Variants in WDR83 observed in about 807,000 individuals in gnomAD.
The protein encoded by WDR83 is WD repeat domain-containing protein 83.
A neutral mutation model predicts 37.7 loss-of-function variants in WDR83; 37 were observed. The observed-to-expected ratio is 0.98, with a 90% CI of 0.76 to 1.29. The LOEUF (loss-of-function observed/expected upper bound fraction) is 1.29, where lower values mean the gene tolerates loss of function less well. WDR83 is among the 50% of genes most tolerant of loss of function. The pLI is 0.00. For synonymous variants in WDR83, 174 were observed against 181.1 expected (o/e 0.96, Z 0.31); for missense variants, 445 against 414.4 (o/e 1.07, Z -0.64).
At chr19:12,670,387 C>T in intron 5 of WDR83, 102 bp downstream of exon 5, 4 of 1,509,764 alleles carry the variant, frequency 2.6e-6, no homozygotes, top group Non-Finnish European at 2.7e-6. Context: ...ATCCCTTCCC[C>T]AGATGACGAT....
chr19:12,671,537 A>C (rs1031845311), intron 7 of WDR83, among the ~76,000 whole-genome samples: 22 of 151,586 alleles, frequency 1.5e-4, no homozygotes, highest in African/African-American at 4.1e-4. Flanking sequence ...CTGTAGTCCC[A>C]GCTACTCAGG....
intron 10 of WDR83, among the ~76,000 whole-genome samples, chr19:12,674,107 G>A (rs1046428534): frequency 4.6e-5 from 7 of 152,348 alleles, no homozygotes; most frequent in Admixed American, 4.6e-4. Context: ...AGGCTTCAGG[G>A]TGGCGGCAGG....
In WDR83 at chr19:12,670,166, C is replaced by T. The variant is rs769260657; in HGVS notation, c.225-14C>T. On this transcript the variant is annotated splice_polypyrimidine_tract_variant and intron_variant, in intron 4 of 10. Coordinates refer to ENST00000418543, the MANE Select transcript of WDR83 (RefSeq NM_001099737.3). ...TCCGAGGTCGATGCTGATCCTCCTCCTCCTTTACTCCAGCTCCTTTGACAA... is the reference window on the plus strand; with the variant it reads ...TCCGAGGTCGATGCTGATCCTCCTCTTCCTTTACTCCAGCTCCTTTGACAA... 6.1e-5 allele frequency: 99 copies of T among 1,612,130 alleles called. No homozygotes were observed. The South Asian group carries it at 9.6e-4, about 16-fold the overall frequency.
At chr19:12,667,818 TTC>T (rs757645038) in intron 1 of WDR83, among the ~76,000 whole-genome samples, 6 of 151,896 alleles carry the variant, frequency 4.0e-5, no homozygotes, top group Non-Finnish European at 7.4e-5. Context: ...CAAGACCATT[TTC>T]TTTCTTAAAA....
Position 12,672,834 on chromosome 19 carries a change from C to G in WDR83, c.507-13C>G. 6.4e-7 allele frequency: 1 copy of G among 1,572,346 alleles called. No individual in the cohort carries two copies. On this transcript the variant is annotated splice_polypyrimidine_tract_variant and intron_variant, in intron 7 of 10. Coordinates refer to ENST00000418543, the MANE Select transcript of WDR83 (RefSeq NM_001099737.3). ...GTAGTCAAGGTTCCCGCTGGATCTA[C>G]CCTCTCCTGCAGCTCCGTGGATGGC...
rs560013171 is a variant in WDR83 at position 12,669,813 on chromosome 19, C to T, written c.23C>T (p.Pro8Leu). Reference protein sequence around the residue: MAFPEPKPRPPELPQKRL... With the variant: MAFPEPKLRPPELPQKRL... ...AGCATGGCTTTCCCTGAGCCAAAGCCGCGGCCTCCAGAGCTGCCGCAGAAA... is the reference window on the plus strand; with the variant it reads ...AGCATGGCTTTCCCTGAGCCAAAGCTGCGGCCTCCAGAGCTGCCGCAGAAA... The change falls in exon 3 of 11, where the codon CCG becomes CTG. Residue 8 changes from proline to leucine, a missense_variant. Physicochemically the swap from Pro to Leu is moderately conservative, Grantham distance 98. Transcript: ENST00000418543. 4.3e-6 allele frequency: 7 copies of T among 1,609,986 alleles called. No homozygotes were observed. In the South Asian group the frequency reaches 5.5e-5, roughly 13 times the overall value.
chr19:12,675,387 T>C (rs1356588120), intron 10 of WDR83, 136 bp from the exon 11 acceptor site: 2 of 1,256,418 alleles, frequency 1.6e-6, no homozygotes, highest in Admixed American at 5.1e-5. Context: ...AGGAGGCAAT[T>C]AGAGGCAGGT....
rs923090705 is a variant in WDR83, at chr19:12,669,868, G to A, written c.78G>A (p.Gly26=). The A allele has an allele frequency of 4.3e-6, 7 of 1,611,702 alleles. No individual in the cohort carries two copies. In the East Asian group the frequency reaches 8.9e-5, roughly 21 times the overall value. The part of the protein sequence containing the change: ...KRLKTLDCGQ[G]AVRAVRFNVD... ...TGAAGACGCTGGACTGCGGGCAGGG[G>A]GCAGTGCGAGCCGTACGATTTAATG... Residue 26 remains glycine, a synonymous_variant, in exon 3 of 11, where the codon GGG becomes GGA. Coordinates refer to ENST00000418543, the MANE Select transcript of WDR83 (RefSeq NM_001099737.3).
chr19:12,670,654 C>A, intron 6 of WDR83, 41 bp from the exon 7 acceptor site: 1 of 1,614,220 alleles, frequency 6.2e-7, no homozygotes, highest in Non-Finnish European at 8.5e-7. Flanking sequence ...GTGCTGCCCT[C>A]CCCCTCCAAA....
In WDR83 at chr19:12,668,589, T is replaced by C. The variant is rs1555710876; in HGVS notation, c.-75T>C. On this transcript the variant is annotated 5_prime_UTR_variant, in exon 2 of 11. It removes the in-frame stop codon of an upstream open reading frame in the 5' UTR. Transcript: ENST00000418543. ...GTTGGCAAAGCTGATGAAGGAGCAG[T>C]AGACAGCGACCCAAGCACACCACTT... The C allele has an allele frequency of 6.2e-7, 1 of 1,614,042 alleles. No homozygotes were observed. The highest frequency in any genetic ancestry group is 8.5e-7 in the Non-Finnish European group (1 of 1,179,976).
intron 7 of WDR83, chr19:12,671,444 AG>A (rs1207628639): frequency 6.5e-6 from 1 of 152,904 alleles, no homozygotes; most frequent in Non-Finnish European, 1.5e-5. Context: ...TGAGGTCAGG[AG>A]ATCGAGATCA....
At position 12,670,339 on chromosome 19, in the gene WDR83, A is replaced by T. The variant is rs918572484; in HGVS notation, c.330+54A>T. 70 of 1,583,252 alleles carry T rather than the reference A, an allele frequency of 4.4e-5. No individual in the cohort carries two copies. In the Middle Eastern group the frequency reaches 1.2e-3, roughly 27 times the overall value. ...GAGTGGAGGGGACCCGTATTAGCGC[A>T]TAGGTGGTGACACGGCCACCCCCAT... On this transcript the variant is annotated intron_variant, in intron 5 of 10. Transcript: ENST00000418543.
chr19:12,668,365 T>A, intron 1 of WDR83, 143 bp from the exon 2 acceptor site: 1 of 1,612,470 alleles, frequency 6.2e-7, no homozygotes, highest in Non-Finnish European at 8.5e-7. Flanking sequence ...GGTATCACCA[T>A]GGGGGCGTCA....
At chr19:12,674,762 T>C (rs1047855939) in intron 10 of WDR83, among the ~76,000 whole-genome samples, 3 of 152,120 alleles carry the variant, frequency 2.0e-5, no homozygotes, top group Admixed American at 2.0e-4. Flanking sequence ...CAGCAGTCTC[T>C]GGACATGGTC....
chr19:12,675,122 C>T (rs922585682), intron 10 of WDR83, among the ~76,000 whole-genome samples: 1 of 146,236 alleles, frequency 6.8e-6, no homozygotes, highest in South Asian at 2.1e-4. Flanking sequence ...CAAAAAAAAA[C>T]AGAAAAAGAA....
At chr19:12,674,929 C>T (rs918468777) in intron 10 of WDR83, among the ~76,000 whole-genome samples, 1 of 151,152 alleles carries the variant, frequency 6.6e-6, no homozygotes. Flanking sequence ...TCCTGGCCAA[C>T]ATGGTGAAAC....
rs754384608 is a variant in WDR83 at position 12,675,792 on chromosome 19, T to C, written c.*120T>C. The C allele has an allele frequency of 3.2e-6, 5 of 1,567,862 alleles. No individual in the cohort carries two copies. Among genetic ancestry groups the C allele is most frequent in the Non-Finnish European group, 4.3e-6 (5 of 1,154,690 alleles). ...GTAGGGGAGGGGCTGGGTCTGCAAA[T>C]TAATAAATAGAAGAGGGGGTAAGAC... On this transcript the variant is annotated 3_prime_UTR_variant, in exon 11 of 11. Coordinates refer to ENST00000418543, the MANE Select transcript of WDR83 (RefSeq NM_001099737.3).
At chr19:12,671,221 G>C (rs968712694) in intron 7 of WDR83, 1 of 178,738 alleles carries the variant, frequency 5.6e-6, no homozygotes, top group Non-Finnish European at 1.2e-5. Context: ...CCAGCCACTC[G>C]GGAGGCGGAG....
chr19:12,674,194 GCCGA>G (rs1303510520), intron 10 of WDR83, among the ~76,000 whole-genome samples: 3 of 152,224 alleles, frequency 2.0e-5, no homozygotes, highest in Non-Finnish European at 4.4e-5. Flanking sequence ...GCAAGGGGGA[GCCGA>G]CGGCCATGTC....
Sources: gnomAD v4.1 joint callset for allele counts (sites outside exome capture counted in the v4.1 genomes callset) on GRCh38, gnomAD v4.1.1 for gene constraint, MANE v1.5 for transcripts, NCBI Gene and HGNC (gene_info 2026-07-23, HGNC 2026-07-21) for gene names.